SGCZ: variants seen among roughly 807,000 people sequenced by gnomAD.
SGCZ encodes the protein zeta-sarcoglycan.
A neutral mutation model predicts 41.3 loss-of-function variants in SGCZ; 40 were observed. The ratio of observed to expected loss-of-function variants is 0.97; its 90% CI spans 0.75 to 1.26. SGCZ has a LOEUF of 1.26. SGCZ is among the 50% of genes most tolerant of loss of function. The pLI is 0.00. For synonymous variants in SGCZ, 206 were observed against 137.5 expected (o/e 1.50, Z -3.49); for missense variants, 552 against 369.8 (o/e 1.49, Z -4.04).
chr8:15,100,144 A>G (rs1188253833), intron 1 of SGCZ, among the ~76,000 whole-genome samples: 3 of 152,226 alleles, frequency 2.0e-5, no homozygotes, highest in Non-Finnish European at 2.9e-5. Context: ...ATACAGACAG[A>G]AAAGAAAGAA....
chr8:14,412,754 T>A (rs887270337), intron 2 of SGCZ, among the ~76,000 whole-genome samples: 9 of 151,972 alleles, frequency 5.9e-5, no homozygotes, highest in Non-Finnish European at 1.5e-5. Context: ...AGCTCACTAA[T>A]AATGCGCACG....
chr8:14,812,819 C>T, intron 1 of SGCZ, among the ~76,000 whole-genome samples: 1 of 152,124 alleles, frequency 6.6e-6, no homozygotes, highest in African/African-American at 2.4e-5. Context: ...TAAGCTTCCA[C>T]AATTATCAAG....
chr8:15,154,844 T>C (rs1269808743), intron 1 of SGCZ, among the ~76,000 whole-genome samples: 1 of 152,186 alleles, frequency 6.6e-6, no homozygotes, highest in Non-Finnish European at 1.5e-5. Context: ...TTGATGAACA[T>C]GAGAGGTTGG....
At chr8:14,635,012 C>CT (rs1174715548) in intron 1 of SGCZ, among the ~76,000 whole-genome samples, 1 of 151,216 alleles carries the variant, frequency 6.6e-6, no homozygotes, top group Non-Finnish European at 1.5e-5. Context: ...TATACATAGG[C>CT]TTTTTTTAGT....
chr8:14,720,082 G>C (rs1809830871), intron 1 of SGCZ, among the ~76,000 whole-genome samples: 1 of 152,002 alleles, frequency 6.6e-6, no homozygotes, highest in African/African-American at 2.4e-5. Flanking sequence ...TGGCTAGCCA[G>C]TTTTCCCAGC....
intron 4 of SGCZ, among the ~76,000 whole-genome samples, chr8:14,234,832 T>A (rs552599603): frequency 6.6e-5 from 10 of 152,184 alleles, no homozygotes; most frequent in Non-Finnish European, 1.5e-4. Context: ...CTTACATAAT[T>A]GAAGAGTTTC....
chr8:14,897,069 AC>A (rs1399319624), intron 1 of SGCZ, among the ~76,000 whole-genome samples: 2 of 152,080 alleles, frequency 1.3e-5, no homozygotes, highest in African/African-American at 2.4e-5. Context: ...GGCGTGAGCC[AC>A]CGTGCCTGGC....
At chr8:14,843,251 A>G (rs186379641) in intron 1 of SGCZ, among the ~76,000 whole-genome samples, 1 of 152,262 alleles carries the variant, frequency 6.6e-6, no homozygotes, top group Non-Finnish European at 1.5e-5. Flanking sequence ...ATGTACATAG[A>G]TATTTTATTT....
intron 4 of SGCZ, among the ~76,000 whole-genome samples, chr8:14,172,293 C>T (rs920196245): frequency 2.6e-5 from 4 of 152,142 alleles, no homozygotes; most frequent in African/African-American, 9.7e-5. Context: ...TATCTCAACA[C>T]AGTCTTTCAA....
intron 2 of SGCZ, among the ~76,000 whole-genome samples, chr8:14,350,952 G>A (rs73664313): frequency 0.045 from 6,839 of 152,176 alleles, 506 homozygotes; most frequent in African/African-American, 0.15. Flanking sequence ...AGAGTTTTCC[G>A]TGTTGGATAA....
chr8:14,257,640 G>T (rs1244109839), intron 3 of SGCZ, among the ~76,000 whole-genome samples: 2 of 115,778 alleles, frequency 1.7e-5, no homozygotes, highest in Non-Finnish European at 3.6e-5. Context: ...TCCTCCCCCC[G>T]CCCTATGACA....
rs71739993 is a variant in SGCZ, at chr8:14,775,460, A to AGTGT, written c.40-220538_40-220535dup. Reference sequence around the variant, plus strand: ...GACAGTATGCTGAGTAGAATATTTGAGTGTGTGTGTGTGTGTGTGTGTGTG... The same window carrying AGTGT: ...GACAGTATGCTGAGTAGAATATTTGAGTGTGTGTGTGTGTGTGTGTGTGTGTGTG... On this transcript the variant is annotated intron_variant, in intron 1 of 7. Coordinates refer to ENST00000382080, the MANE Select transcript of SGCZ (RefSeq NM_139167.4). Among the ~76,000 whole-genome samples, 446 of 149,300 alleles carry AGTGT rather than the reference A, an allele frequency of 3.0e-3. 3 individuals are homozygous for AGTGT. The highest frequency in any genetic ancestry group is 5.6e-3 in the South Asian group (26 of 4,666).
intron 2 of SGCZ, among the ~76,000 whole-genome samples, chr8:14,357,962 A>G (rs7018029): frequency 0.057 from 8,601 of 152,220 alleles, 723 homozygotes; most frequent in African/African-American, 0.18. Context: ...GAAGAAAATA[A>G]CCATGAAATC....
intron 1 of SGCZ, among the ~76,000 whole-genome samples, chr8:14,696,302 G>T (rs141983500): frequency 3.2e-3 from 492 of 152,022 alleles, no homozygotes; most frequent in Admixed American, 5.6e-3. Flanking sequence ...ACATTGAAGC[G>T]GTATCAGGAT....
At chr8:14,631,257 T>C (rs558507053) in intron 1 of SGCZ, among the ~76,000 whole-genome samples, 11 of 149,208 alleles carry the variant, frequency 7.4e-5, no homozygotes, top group African/African-American at 2.7e-4. Flanking sequence ...AATGTAAAGG[T>C]AGTGATAATA....
At chr8:15,003,129 A>C (rs2130913558) in intron 1 of SGCZ, among the ~76,000 whole-genome samples, 1 of 152,300 alleles carries the variant, frequency 6.6e-6, no homozygotes, top group East Asian at 1.9e-4. Context: ...GAAATTTAAT[A>C]TTAAAAGAGG....
At chr8:15,169,306 AG>A (rs1456477820) in intron 1 of SGCZ, among the ~76,000 whole-genome samples, 9 of 152,124 alleles carry the variant, frequency 5.9e-5, no homozygotes, top group African/African-American at 2.2e-4. Flanking sequence ...AAACTCCAAC[AG>A]CCTGCCCACT....
At chr8:15,181,512 T>G (rs1800179567) in intron 1 of SGCZ, among the ~76,000 whole-genome samples, 1 of 152,154 alleles carries the variant, frequency 6.6e-6, no homozygotes, top group Non-Finnish European at 1.5e-5. Flanking sequence ...GAGATACAAA[T>G]TTGTTCTGTG....
At chr8:14,317,480 T>C (rs571474642) in intron 3 of SGCZ, among the ~76,000 whole-genome samples, 2 of 151,796 alleles carry the variant, frequency 1.3e-5, no homozygotes, top group Non-Finnish European at 2.9e-5. Flanking sequence ...TTCAAGAAAA[T>C]TGCCAGATTA....
Sources: allele counts gnomAD v4.1 joint callset (sites outside exome capture counted in the v4.1 genomes callset), GRCh38; gene constraint gnomAD v4.1.1; transcripts MANE v1.5; gene names NCBI Gene and HGNC (gene_info 2026-07-23, HGNC 2026-07-21).